RSPH10B: variants seen among roughly 807,000 people sequenced by gnomAD.
RSPH10B encodes radial spoke head 10 homolog B (Chlamydomonas).
In RSPH10B, 7 loss-of-function variants were observed where a neutral mutation model predicts 52.5. That is an observed-to-expected ratio of 0.13 (90% CI 0.08 to 0.25). RSPH10B has a LOEUF of 0.25. Among genes scored for constraint, RSPH10B ranks in the 10% least tolerant of loss-of-function variants. The probability of loss-of-function intolerance (pLI) is 1.00; values close to 1 mark genes in which losing one functional copy is unlikely to be tolerated. For synonymous variants in RSPH10B, 28 were observed against 193.2 expected (o/e 0.14, Z 7.09); for missense variants, 89 against 542.5 (o/e 0.16, Z 8.30).
chr7:5,942,927 TTTTTTTTTA>T (rs1780281102), intron 13 of RSPH10B, among the ~76,000 whole-genome samples: 1 of 27,342 alleles, frequency 3.7e-5, no homozygotes, highest in African/African-American at 1.2e-4. Flanking sequence ...TATATATATA[TTTTTTTTTA>T]AGACAATGGC....
At chr7:5,931,895 A>G (rs1483110578) in intron 17 of RSPH10B, among the ~76,000 whole-genome samples, 1 of 151,210 alleles carries the variant, frequency 6.6e-6, no homozygotes, top group Middle Eastern at 3.2e-3. Context: ...AGGCTGAGGC[A>G]GGAGAATCAC....
intron 16 of RSPH10B, among the ~76,000 whole-genome samples, chr7:5,934,766 TAGAG>T (rs1779937190): frequency 2.9e-5 from 1 of 34,448 alleles, no homozygotes; most frequent in African/African-American, 7.8e-5. Flanking sequence ...GGTTCCCTCC[TAGAG>T]AGAATCACAG....
chr7:5,931,298 G>A (rs1460225659), intron 17 of RSPH10B, among the ~76,000 whole-genome samples: 1 of 150,802 alleles, frequency 6.6e-6, no homozygotes, highest in Non-Finnish European at 1.5e-5. Context: ...ATCCACTGGA[G>A]GAGGAGTAAC....
chr7:5,943,148 C>T (rs2128630205), intron 13 of RSPH10B, 176 bp downstream of exon 15: 1 of 1,376,860 alleles, frequency 7.3e-7, no homozygotes, highest in Non-Finnish European at 9.8e-7. Context: ...TCTGTTCCTT[C>T]CACGACCACA....
At chr7:5,957,534 G>A (rs1296799520) in intron 6 of RSPH10B, among the ~76,000 whole-genome samples, 3 of 25,180 alleles carry the variant, frequency 1.2e-4, no homozygotes, top group Admixed American at 7.4e-4. Context: ...GCCTGTAATC[G>A]CAGCACTTTA....
rs1247710597 is a variant in RSPH10B, at chr7:5,950,207, C to T, written c.1224+1088G>A. Among the ~76,000 whole-genome samples, 3 of 148,080 alleles carry T rather than the reference C, an allele frequency of 2.0e-5. No individual in the cohort carries two copies. The Admixed American group carries it at 2.0e-4, about 10-fold the overall frequency. ...AGCAAATTAGGAATAGAAAGGAATC[C>T]CTCAACCTGATAAACAGCATGTACA... On this transcript the variant is annotated intron_variant, in intron 9 of 18. Coordinates refer to ENST00000337579, the Ensembl canonical transcript of RSPH10B.
At chr7:5,957,557 G>A (rs1210182511) in intron 6 of RSPH10B, among the ~76,000 whole-genome samples, 1 of 35,476 alleles carries the variant, frequency 2.8e-5, no homozygotes, top group Non-Finnish European at 5.2e-5. Context: ...AGGCTGAGGC[G>A]CGCGGATCAC....
chr7:5,933,473 ATACCGGC>A (rs1460947364), intron 16 of RSPH10B, among the ~76,000 whole-genome samples: 1 of 136,022 alleles, frequency 7.4e-6, no homozygotes, highest in Non-Finnish European at 1.7e-5. Flanking sequence ...AAAATTAACG[ATACCGGC>A]TAGGCGTGGT....
intron 16 of RSPH10B, among the ~76,000 whole-genome samples, chr7:5,933,624 G>T (rs1176864046): frequency 7.4e-6 from 1 of 134,232 alleles, no homozygotes; most frequent in African/African-American, 2.7e-5. Flanking sequence ...GCCGGGCGTG[G>T]GGGTGGGTGC....
chr7:5,941,359 T>C (rs1397654972), intron 13 of RSPH10B, among the ~76,000 whole-genome samples: 1 of 141,796 alleles, frequency 7.1e-6, no homozygotes, highest in Non-Finnish European at 1.6e-5. Context: ...ATTTTTCATA[T>C]GTATACAACA....
chr7:5,931,879 C>A (rs1779793596), intron 17 of RSPH10B, among the ~76,000 whole-genome samples: 1 of 151,034 alleles, frequency 6.6e-6, no homozygotes. Flanking sequence ...ATCCCAGCTA[C>A]TAGGGAGGCT....
intron 7 of RSPH10B, among the ~76,000 whole-genome samples, chr7:5,953,852 A>ATT (rs537554891): frequency 2.1e-5 from 3 of 140,024 alleles, no homozygotes; most frequent in African/African-American, 7.6e-5. Context: ...AGACTCCCTG[A>ATT]TTTTTTTTTT....
At chr7:5,942,085 G>C (rs1219478020) in intron 13 of RSPH10B, among the ~76,000 whole-genome samples, 2 of 148,626 alleles carry the variant, frequency 1.3e-5, no homozygotes, top group Non-Finnish European at 3.0e-5. Flanking sequence ...AGTCGAAAGG[G>C]GGTTTCACAG....
At position 5,959,028 on chromosome 7, in the gene RSPH10B, CCA is replaced by C. The variant is rs1780838465; in HGVS notation, c.622_623del (p.Trp208GlyfsTer14). On this transcript the variant is annotated frameshift_variant, in exon 5 of 19. Transcript: ENST00000337579. LOFTEE classifies it high-confidence loss of function. Reference sequence around the variant, plus strand: ...CCCAGCCCTTTTTGATGTTTTGTACCCAGTCTCCCTCGTACCAACACGTACCC... The same window carrying C: ...CCCAGCCCTTTTTGATGTTTTGTACCGTCTCCCTCGTACCAACACGTACCC... 7.4e-7 allele frequency: 1 copy of C among 1,344,604 alleles called. No individual in the cohort carries two copies. The highest frequency in any genetic ancestry group is 1.0e-6 in the Non-Finnish European group (1 of 954,434). 83.3% of individuals were successfully genotyped at this position (1,344,604 alleles called of 1,614,324 possible). A position where few individuals can be genotyped will look rare whatever the true frequency, so the allele number is the denominator to read the frequency against.
intron 6 of RSPH10B, 140 bp downstream of exon 8, chr7:5,957,767 G>A: frequency 8.7e-7 from 1 of 1,146,438 alleles, no homozygotes; most frequent in African/African-American, 1.8e-5. Context: ...GTGCACTCCA[G>A]CCTGGGAGAC....
At chr7:5,944,430 A>T (rs1457073251) in intron 11 of RSPH10B, among the ~76,000 whole-genome samples, 7 of 150,466 alleles carry the variant, frequency 4.7e-5, no homozygotes, top group Non-Finnish European at 1.0e-4. Context: ...AAGTTTTTTT[A>T]AAAAAAGATA....
At position 5,943,436 on chromosome 7, in the gene RSPH10B, G is replaced by C. The variant is rs775460368; in HGVS notation, c.1646C>G (p.Ser549Cys). The C allele has an allele frequency of 7.1e-5, 114 of 1,597,044 alleles. No homozygotes were observed. The South Asian group carries it at 1.0e-3, about 14-fold the overall frequency. ...CCAGCACTTATTCATGTAACTCATA[G>C]AGTAGAGCGTCCGCTGTTGCTCACG... The change falls in exon 13 of 19, where the codon TCT (serine) becomes TGT (cysteine). Residue 549 changes from serine to cysteine, a missense_variant. Ser to Cys is a moderately radical substitution (Grantham distance 112). Coordinates refer to ENST00000337579, the Ensembl canonical transcript of RSPH10B.
chr7:5,957,859 G>T (rs759552771), intron 6 of RSPH10B, 48 bp downstream of exon 8: 11 of 1,419,064 alleles, frequency 7.8e-6, no homozygotes, highest in African/African-American at 1.6e-5. Context: ...TTGAGAATCG[G>T]CGGAGCATCC....
chr7:5,954,967 C>T (rs1207881761), intron 7 of RSPH10B, among the ~76,000 whole-genome samples: 3 of 70,666 alleles, frequency 4.2e-5, no homozygotes, highest in South Asian at 2.3e-3. Flanking sequence ...TTGGCAAACA[C>T]GGCAAAACCC....
Sources: allele counts gnomAD v4.1 joint callset (sites outside exome capture counted in the v4.1 genomes callset), GRCh38; gene constraint gnomAD v4.1.1; transcripts MANE v1.5; gene names NCBI Gene and HGNC (gene_info 2026-07-23, HGNC 2026-07-21).